The following ASCC2 variants were observed in gnomAD, a reference collection of about 807,000 sequenced individuals.
ASCC2 encodes activating signal cointegrator 1 complex subunit 2, also known as ASC-1 complex subunit P100.
Under a neutral mutation model 93.5 loss-of-function variants are expected in ASCC2, and 42 were observed. The ratio of observed to expected loss-of-function variants is 0.45; its 90% confidence interval spans 0.35 to 0.58. The LOEUF is 0.58. Ranked by LOEUF, ASCC2 falls within the 20% of genes least tolerant of loss-of-function variation. The probability of loss-of-function intolerance (pLI) is 0.00; values close to 1 mark genes in which losing one functional copy is unlikely to be tolerated. For synonymous variants in ASCC2, 364 were observed against 384.2 expected (o/e 0.95, Z 0.62); for missense variants, 859 against 977.6 (o/e 0.88, Z 1.62).
intron 15 of ASCC2, among the ~76,000 whole-genome samples, chr22:29,797,735 C>T (rs933561779): frequency 1.3e-5 from 2 of 152,198 alleles, no homozygotes; most frequent in African/African-American, 2.4e-5. Context: ...AAAAGGCAGA[C>T]CAAGGGCACA....
At chr22:29,809,863 C>A (rs2060093080) in intron 8 of ASCC2, 1 of 151,078 alleles carries the variant, frequency 6.6e-6, no homozygotes, top group Non-Finnish European at 1.5e-5. Flanking sequence ...TAAAAAAAAA[C>A]AAAAGAAAAA....
chr22:29,801,125 C>G lies in ASCC2; in HGVS notation c.1569-15G>C. ...GTTTCATTTCTCTGGGTGGGGGACA[C>G]AGAGATCAATTTAAGGGGGCCCTGC... On this transcript the variant is annotated splice_polypyrimidine_tract_variant and intron_variant, in intron 14 of 19. Coordinates refer to ENST00000307790, the MANE Select transcript of ASCC2 (RefSeq NM_032204.5). 1 of 1,583,128 alleles carries G rather than the reference C, an allele frequency of 6.3e-7. No homozygotes were observed. The highest frequency in any genetic ancestry group is 8.6e-7 in the Non-Finnish European group (1 of 1,156,330).
At position 29,829,700 on chromosome 22, in the gene ASCC2, G is replaced by GA. The variant is rs547260199; in HGVS notation, c.81+2544dup. On this transcript the variant is annotated intron_variant, in intron 2 of 19. Coordinates refer to ENST00000307790, the MANE Select transcript of ASCC2 (RefSeq NM_032204.5). ...GGCGACAGAGCAAGACTCTGTCTGG[G>GA]AAAAAAAAAAAATGGTTTTGCCATG... Among the ~76,000 whole-genome samples the GA allele has an allele frequency of 1.8e-3, 260 of 145,344 alleles. 2 individuals are homozygous for GA. The highest frequency in any genetic ancestry group is 4.4e-3 in the African/African-American group (174 of 39,992).
intron 9 of ASCC2, 79 bp downstream of exon 9, chr22:29,808,032 G>T: frequency 6.9e-7 from 1 of 1,440,830 alleles, no homozygotes; most frequent in Non-Finnish European, 9.7e-7. Flanking sequence ...AGATAGGGAT[G>T]CTAATGCCCA....
rs774338814 is a variant in ASCC2, at chr22:29,789,150, T to C, written c.2137A>G (p.Ser713Gly). Reference protein sequence around the residue: ...RHDSSTAVAGSPRGHGQSRET... With the variant: ...RHDSSTAVAGGPRGHGQSRET... ...CGGCTCTGCCCATGGCCTCGGGGGCTGCCGGCCACTGCTGTTGAGCTGTCA... is the reference window on the plus strand; with the variant it reads ...CGGCTCTGCCCATGGCCTCGGGGGCCGCCGGCCACTGCTGTTGAGCTGTCA... The change falls in exon 20 of 20, where the codon AGC (serine) becomes GGC (glycine). Residue 713 changes from serine to glycine, a missense_variant. Transcript: ENST00000307790. 4 of 1,614,132 alleles carry C rather than the reference T, an allele frequency of 2.5e-6. No homozygotes were observed. Among genetic ancestry groups the C allele is most frequent in the Middle Eastern group, 1.6e-4 (1 of 6,062 alleles).
chr22:29,800,896 G>A (rs1393491227), intron 15 of ASCC2, 95 bp downstream of exon 15: 2 of 1,446,432 alleles, frequency 1.4e-6, no homozygotes, highest in East Asian at 2.4e-5. Context: ...GATACTCCAT[G>A]GCCAATTCTG....
chr22:29,790,304 T>G (rs762722920), intron 19 of ASCC2, among the ~76,000 whole-genome samples, 165 bp downstream of exon 19: 1 of 152,218 alleles, frequency 6.6e-6, no homozygotes, highest in Non-Finnish European at 1.5e-5. Context: ...TTTTTTCATC[T>G]GTCAAATAAG....
In ASCC2 at chr22:29,804,751, C is replaced by A. The variant is rs11549796; in HGVS notation, c.1240G>T (p.Ala414Ser). The A allele has an allele frequency of 3.7e-5, 59 of 1,614,056 alleles. No homozygotes were observed. The Middle Eastern group carries it at 4.9e-4, about 13-fold the overall frequency. The change falls in exon 13 of 20, where the codon GCT becomes TCT. Residue 414 changes from alanine to serine, a missense_variant. Ala to Ser is a moderately conservative substitution (Grantham distance 99). Coordinates refer to ENST00000307790, the MANE Select transcript of ASCC2 (RefSeq NM_032204.5). ...EGVDRRKATD[A>S]KDPSVIEEPN... Reference sequence around the variant, plus strand: ...TCCTCAATCACCGATGGGTCTTTAGCATCTGTGGCTTTCCGTCTGTCCACC... The same window carrying A: ...TCCTCAATCACCGATGGGTCTTTAGAATCTGTGGCTTTCCGTCTGTCCACC...
chr22:29,827,856 G>GACACAC (rs5844871), intron 2 of ASCC2, among the ~76,000 whole-genome samples: 2 of 43,166 alleles, frequency 4.6e-5, no homozygotes, highest in East Asian at 7.4e-4. Context: ...TCATTCTCCT[G>GACACAC]ACACACACAC....
intron 13 of ASCC2, among the ~76,000 whole-genome samples, chr22:29,803,883 T>C (rs559602398): frequency 2.6e-5 from 4 of 152,206 alleles, no homozygotes; most frequent in Admixed American, 6.5e-5. Flanking sequence ...AATGGAGCAC[T>C]GAAGGCCAGT....
chr22:29,829,281 G>T (rs1270748378), intron 2 of ASCC2, among the ~76,000 whole-genome samples: 1 of 152,204 alleles, frequency 6.6e-6, no homozygotes, highest in Non-Finnish European at 1.5e-5. Context: ...TATAAAAGGG[G>T]AGGACTGGTC....
chr22:29,790,648 T>A, intron 18 of ASCC2, 100 bp from the exon 19 acceptor site: 1 of 1,227,472 alleles, frequency 8.1e-7, no homozygotes, highest in Non-Finnish European at 1.2e-6. Context: ...GATGCCTCCA[T>A]GCCAGGTGTG....
At chr22:29,823,589 G>A (rs937842556) in intron 4 of ASCC2, among the ~76,000 whole-genome samples, 3 of 152,078 alleles carry the variant, frequency 2.0e-5, no homozygotes, top group African/African-American at 4.8e-5. Flanking sequence ...GGCTCGCGCC[G>A]GTAATCTCAG....
chr22:29,798,522 A>C (rs1461397994), intron 15 of ASCC2, among the ~76,000 whole-genome samples: 1 of 152,198 alleles, frequency 6.6e-6, no homozygotes, highest in African/African-American at 2.4e-5. Context: ...ATTCTGGATG[A>C]TAGGTCAACC....
intron 15 of ASCC2, among the ~76,000 whole-genome samples, chr22:29,798,659 G>C (rs1002131965): frequency 6.6e-6 from 1 of 152,198 alleles, no homozygotes; most frequent in South Asian, 2.1e-4. Context: ...ACCATCTGCA[G>C]CGTCCTACCT....
Position 29,788,992 on chromosome 22 carries a change from C to T in ASCC2, c.*21G>A, listed in dbSNP as rs2068492831. On this transcript the variant is annotated 3_prime_UTR_variant, in exon 20 of 20. Coordinates refer to ENST00000307790, the MANE Select transcript of ASCC2 (RefSeq NM_032204.5). ...TGGTGAGTCTGGTGCCGCTGCCTCC[C>T]CACTGGCCCTGCACCAGGTCTCAGG... 1 of 1,613,918 alleles carries T rather than the reference C, an allele frequency of 6.2e-7. No homozygotes were observed. The highest frequency in any genetic ancestry group is 8.5e-7 in the Non-Finnish European group (1 of 1,179,800).
At chr22:29,823,063 C>G (rs1450368775) in intron 4 of ASCC2, among the ~76,000 whole-genome samples, 2 of 147,852 alleles carry the variant, frequency 1.4e-5, no homozygotes, top group Non-Finnish European at 1.5e-5. Context: ...TTTTTTGAGA[C>G]AGTCTTGCTC....
At chr22:29,824,251 TACACACAC>T (rs60849755) in intron 4 of ASCC2, among the ~76,000 whole-genome samples, 12,580 of 146,340 alleles carry the variant, frequency 0.086, 568 homozygotes, top group East Asian at 0.13. Context: ...ATTTTTTAAA[TACACACAC>T]ACACACACAC....
intron 15 of ASCC2, among the ~76,000 whole-genome samples, chr22:29,795,237 A>AT (rs2058286658): frequency 6.6e-6 from 1 of 151,770 alleles, no homozygotes; most frequent in Admixed American, 6.6e-5. Context: ...TAATTTTTAA[A>AT]TTTTTTGTAG....
Sources: allele counts gnomAD v4.1 joint callset (sites outside exome capture counted in the v4.1 genomes callset), GRCh38; gene constraint gnomAD v4.1.1; transcripts MANE v1.5; gene names NCBI Gene and HGNC (gene_info 2026-07-23, HGNC 2026-07-21).